CTNNA3: variants seen among roughly 807,000 people sequenced by gnomAD.
CTNNA3 encodes catenin alpha-3.
In CTNNA3, 76 loss-of-function variants were observed where a neutral mutation model predicts 95.7. The observed-to-expected ratio is 0.79, with a 90% CI of 0.66 to 0.96. The LOEUF (loss-of-function observed/expected upper bound fraction) is 0.96, where lower values mean the gene tolerates loss of function less well. CTNNA3 is among the 40% of genes least tolerant of loss of function. CTNNA3 has a pLI of 0.00. For missense variants in CTNNA3, 1,191 were observed against 1,089.8 expected, an observed-to-expected ratio of 1.09 and a Z score of -1.31; for synonymous variants, 431 against 374.4, an observed-to-expected ratio of 1.15 and a Z score of -1.74.
rs751564586 is a variant in CTNNA3 at position 67,142,781 on chromosome 10, AAT to A, written c.1047+37534_1047+37535del. ...ACCCCGCCTCTAGTAAGATACAAAAAATTAGCCAGGCGTGGTGGCATGTGCCT... is the reference window on the plus strand; with the variant it reads ...ACCCCGCCTCTAGTAAGATACAAAAATAGCCAGGCGTGGTGGCATGTGCCT... On this transcript the variant is annotated intron_variant, in intron 7 of 17. Transcript: ENST00000433211. 2.0e-5 allele frequency among the ~76,000 whole-genome samples: 3 copies of A among 152,124 alleles called. No homozygotes were observed. The East Asian group carries it at 5.8e-4, about 29-fold the overall frequency.
At chr10:66,123,523 G>A (rs1303119101) in intron 13 of CTNNA3, among the ~76,000 whole-genome samples, 3 of 152,050 alleles carry the variant, frequency 2.0e-5, no homozygotes, top group Non-Finnish European at 4.4e-5. Flanking sequence ...GGAGGATGGT[G>A]GCCCTCTTCT....
chr10:66,948,101 T>C (rs1456300790), intron 7 of CTNNA3, among the ~76,000 whole-genome samples: 1 of 152,204 alleles, frequency 6.6e-6, no homozygotes, highest in African/African-American at 2.4e-5. Context: ...ATATCATAAC[T>C]TGTGGGATCA....
At chr10:66,875,387 C>T (rs1844575795) in intron 7 of CTNNA3, among the ~76,000 whole-genome samples, 1 of 94,216 alleles carries the variant, frequency 1.1e-5, no homozygotes, top group Non-Finnish European at 2.4e-5. Flanking sequence ...CTTTTAATCA[C>T]TGTTATTTAA....
intron 5 of CTNNA3, among the ~76,000 whole-genome samples, chr10:67,514,332 G>A (rs987703988): frequency 2.0e-5 from 3 of 151,992 alleles, no homozygotes; most frequent in Non-Finnish European, 4.4e-5. Context: ...AAACAGTTAG[G>A]TTAGATGAAT....
chr10:67,495,315 T>C (rs79419008), intron 5 of CTNNA3, among the ~76,000 whole-genome samples: 1,750 of 152,166 alleles, frequency 0.012, 40 homozygotes, highest in African/African-American at 0.04. Flanking sequence ...TAAGACAAAA[T>C]TTCTGATGCC....
chr10:66,334,405 T>A (rs1479829902), intron 12 of CTNNA3, among the ~76,000 whole-genome samples: 1 of 151,874 alleles, frequency 6.6e-6, no homozygotes, highest in South Asian at 2.1e-4. Context: ...CTTCAGGAGC[T>A]CTGTTTGTCA....
At chr10:67,559,582 C>T (rs1277004928) in intron 3 of CTNNA3, among the ~76,000 whole-genome samples, 2 of 152,170 alleles carry the variant, frequency 1.3e-5, no homozygotes, top group African/African-American at 4.8e-5. Flanking sequence ...AAGCACAGTG[C>T]CTCTCCTCCT....
At chr10:66,632,382 C>G (rs1253041932) in intron 9 of CTNNA3, among the ~76,000 whole-genome samples, 1 of 151,640 alleles carries the variant, frequency 6.6e-6, no homozygotes, top group Non-Finnish European at 1.5e-5. Flanking sequence ...GGTGCAACCC[C>G]ATCTCTACTA....
chr10:66,360,651 C>A (rs1273119699), intron 12 of CTNNA3, among the ~76,000 whole-genome samples: 6 of 59,984 alleles, frequency 1.0e-4, no homozygotes, highest in African/African-American at 4.0e-4. Flanking sequence ...TTCTTTCTTT[C>A]TTTCTTTCTT....
chr10:66,965,868 C>T (rs765254585), intron 7 of CTNNA3, among the ~76,000 whole-genome samples: 4 of 152,072 alleles, frequency 2.6e-5, no homozygotes, highest in Non-Finnish European at 5.9e-5. Flanking sequence ...TGTGCCTTCC[C>T]ATCATTATAA....
chr10:67,727,735 G>T (rs1190400750), intron 1 of CTNNA3, among the ~76,000 whole-genome samples: 3 of 124,850 alleles, frequency 2.4e-5, no homozygotes, highest in Non-Finnish European at 3.1e-5. Context: ...CACTGTTGAG[G>T]AAGTCATAGC....
chr10:67,288,768 G>A (rs547480607), intron 5 of CTNNA3, among the ~76,000 whole-genome samples: 1 of 152,238 alleles, frequency 6.6e-6, no homozygotes, highest in African/African-American at 2.4e-5. Flanking sequence ...TTTTCAGAAA[G>A]TTTTTCCAAA....
chr10:66,775,615 T>A lies in CTNNA3; in HGVS notation c.1048-91A>T, dbSNP rs1174149400. 3.5e-6 allele frequency: 3 copies of A among 869,182 alleles called. No homozygotes were observed. The African/African-American group carries it at 5.1e-5, about 15-fold the overall frequency. The allele number at this position is 869,182 out of a possible 1,614,324, so 53.8% of individuals were successfully genotyped here. Reference sequence around the variant, plus strand: ...TTCTAAATTTCCTGAAAATAACAGCTTGAAATTCAAGAATAGGTTTCAAAA... The same window carrying A: ...TTCTAAATTTCCTGAAAATAACAGCATGAAATTCAAGAATAGGTTTCAAAA... On this transcript the variant is annotated intron_variant, in intron 7 of 17. Transcript: ENST00000433211.
At chr10:66,432,977 C>T (rs962728363) in intron 11 of CTNNA3, among the ~76,000 whole-genome samples, 3 of 152,172 alleles carry the variant, frequency 2.0e-5, no homozygotes, top group African/African-American at 7.2e-5. Flanking sequence ...AGGACAGCAA[C>T]TCATCCTTTT....
rs150817303 is a variant in CTNNA3, at chr10:66,130,554, C to T, written c.1885-27305G>A. 2.7e-3 allele frequency among the ~76,000 whole-genome samples: 411 copies of T among 151,638 alleles called. 2 individuals carry two copies. The highest frequency in any genetic ancestry group is 0.016 in the East Asian group (80 of 5,150). ...TATTACTACTGACTCCATAGAAATACAAAGAATCGGCCGGGCACTGTGGCT... is the reference window on the plus strand; with the variant it reads ...TATTACTACTGACTCCATAGAAATATAAAGAATCGGCCGGGCACTGTGGCT... On this transcript the variant is annotated intron_variant, in intron 13 of 17. Coordinates refer to ENST00000433211, the MANE Select transcript of CTNNA3 (RefSeq NM_013266.4).
intron 5 of CTNNA3, among the ~76,000 whole-genome samples, chr10:67,474,553 C>A (rs760710129): frequency 6.6e-6 from 1 of 152,020 alleles, no homozygotes; most frequent in Non-Finnish European, 1.5e-5. Flanking sequence ...AGTCTGAGTT[C>A]TTTTATTATG....
At chr10:67,731,139 G>A (rs1841271549) in intron 1 of CTNNA3, among the ~76,000 whole-genome samples, 1 of 152,064 alleles carries the variant, frequency 6.6e-6, no homozygotes, top group Admixed American at 6.6e-5. Flanking sequence ...ACCAGAATAA[G>A]CAATTAAGAG....
intron 5 of CTNNA3, among the ~76,000 whole-genome samples, chr10:67,451,076 A>G (rs1846961594): frequency 6.6e-6 from 1 of 152,058 alleles, no homozygotes; most frequent in East Asian, 1.9e-4. Flanking sequence ...TTTAATACCA[A>G]CTTTGCAGGA....
At chr10:67,673,351 T>G (rs1278140771) in intron 1 of CTNNA3, among the ~76,000 whole-genome samples, 1 of 148,304 alleles carries the variant, frequency 6.7e-6, no homozygotes, top group Non-Finnish European at 1.5e-5. Context: ...ATACCCTTTA[T>G]TTCCTTCTCC....
Sources: allele counts gnomAD v4.1 joint callset (sites outside exome capture counted in the v4.1 genomes callset), GRCh38; gene constraint gnomAD v4.1.1; transcripts MANE v1.5; gene names NCBI Gene and HGNC (gene_info 2026-07-23, HGNC 2026-07-21).